Variants in RBFOX3 observed in about 807,000 individuals in gnomAD.
RBFOX3 encodes RNA binding fox-1 homolog 3, also known as RNA binding protein fox-1 homolog 3.
RBFOX3 carries 17 observed loss-of-function variants against 48.7 expected under a neutral mutation model. The observed-to-expected ratio is 0.35, with a 90% confidence interval of 0.24 to 0.52. RBFOX3 has a LOEUF of 0.52. RBFOX3 is among the 20% of genes least tolerant of loss of function. RBFOX3 has a pLI of 0.94. For missense variants in RBFOX3, 382 were observed against 497.5 expected (o/e 0.77, Z 2.21); for synonymous variants, 212 against 209.5 (o/e 1.01, Z -0.10).
intron 2 of RBFOX3, among the ~76,000 whole-genome samples, chr17:79,468,357 C>G (rs1691771308): frequency 1.3e-5 from 2 of 152,184 alleles, no homozygotes; most frequent in Non-Finnish European, 1.5e-5. Flanking sequence ...GGCAGGTAGA[C>G]AGGTGACAGA....
At position 79,216,235 on chromosome 17, in the gene RBFOX3, C is replaced by T. The variant is rs565546017; in HGVS notation, c.-34+19531G>A. ...GTTTGCCTCCCAGGCGTAGGTGAGGCGAGCTGAGACGCCATCTGTGAGGAG... is the reference window on the plus strand; with the variant it reads ...GTTTGCCTCCCAGGCGTAGGTGAGGTGAGCTGAGACGCCATCTGTGAGGAG... On this transcript the variant is annotated intron_variant, in intron 4 of 14. Coordinates refer to ENST00000693108, the MANE Select transcript of RBFOX3 (RefSeq NM_001350451.2). 5.9e-5 allele frequency among the ~76,000 whole-genome samples: 9 copies of T among 152,342 alleles called. No homozygotes were observed. The South Asian group carries it at 1.7e-3, about 28-fold the overall frequency.
At chr17:79,337,019 C>T (rs1394629823) in intron 2 of RBFOX3, among the ~76,000 whole-genome samples, 1 of 152,122 alleles carries the variant, frequency 6.6e-6, no homozygotes, top group Non-Finnish European at 1.5e-5. Flanking sequence ...ACTTGGGAAG[C>T]TGAGGCAGAA....
the RBFOX3 span, among the ~76,000 whole-genome samples, chr17:79,633,396 C>T: frequency 4.6e-5 from 7 of 152,358 alleles, no homozygotes; most frequent in African/African-American, 9.6e-5. Context: ...CTCCCCGGGG[C>T]GGCAGCTGCA....
At chr17:79,131,501 T>C (rs2038901736) in intron 4 of RBFOX3, among the ~76,000 whole-genome samples, 1 of 152,212 alleles carries the variant, frequency 6.6e-6, no homozygotes, top group African/African-American at 2.4e-5. Flanking sequence ...GCCTCAGGCC[T>C]TCCTGTTAAG....
rs2076882894 is a variant in RBFOX3, at chr17:79,103,806, G to A, written c.414+267C>T. Among the ~76,000 whole-genome samples the A allele has an allele frequency of 6.6e-6, 1 of 152,046 alleles. No homozygotes were observed. Among genetic ancestry groups the A allele is most frequent in the South Asian group, 2.1e-4 (1 of 4,816 alleles). On this transcript the variant is annotated intron_variant, in intron 7 of 14. Transcript: ENST00000693108. This position sits in a 1 kb window ranked among gnomAD's most constrained non-coding sequence, Gnocchi z 6.1. ...CCTGGGGTAAGTGTTCAGTGGGGGT[G>A]GGGCCCGGACCTGGGGCCCAGGGCT...
chr17:79,357,194 C>T (rs947925067), intron 2 of RBFOX3, among the ~76,000 whole-genome samples: 43 of 152,336 alleles, frequency 2.8e-4, no homozygotes, highest in Middle Eastern at 3.4e-3. Flanking sequence ...GCAGGCTGTA[C>T]GCACATGTAG....
At chr17:79,136,933 G>A (rs2926669) in intron 4 of RBFOX3, among the ~76,000 whole-genome samples, 27,794 of 152,112 alleles carry the variant, frequency 0.18, 2,689 homozygotes, top group Middle Eastern at 0.22. Context: ...CTAAGAAGGA[G>A]GCTCCATCCC....
chr17:79,351,036 G>A (rs1406007803), intron 2 of RBFOX3, among the ~76,000 whole-genome samples: 2 of 152,186 alleles, frequency 1.3e-5, no homozygotes, highest in Non-Finnish European at 2.9e-5. Flanking sequence ...TGTGCATCTG[G>A]CTGTTTCACC....
Position 79,417,666 on chromosome 17 carries a change from C to A in RBFOX3, c.-175+64788G>T, listed in dbSNP as rs74567209. On this transcript the variant is annotated intron_variant, in intron 2 of 14. Transcript: ENST00000693108. ...GCTGCTGCGGAAAAGGAAGGTTTGG[C>A]GGTTCCTTAAACAATCAGATGGAAT... 7.2e-5 allele frequency among the ~76,000 whole-genome samples: 11 copies of A among 152,328 alleles called. No individual in the cohort carries two copies. The East Asian group carries it at 2.1e-3, about 29-fold the overall frequency.
rs1054532916 is a variant in RBFOX3 at position 79,188,454 on chromosome 17, C to T, written c.-34+47312G>A. Among the ~76,000 whole-genome samples, 52 of 152,216 alleles carry T rather than the reference C, an allele frequency of 3.4e-4. 1 individual carries two copies. Among genetic ancestry groups the T allele is most frequent in the Admixed American group, 2.6e-3 (39 of 15,282 alleles). ...TTTGCCAGCCACATTCGGGTCCATC[C>T]GTCTCACTTACAACCATGTCCCAGC... On this transcript the variant is annotated intron_variant, in intron 4 of 14. Transcript: ENST00000693108.
chr17:79,364,552 C>A lies in RBFOX3; in HGVS notation c.-174-56728G>T, dbSNP rs1442104926. On this transcript the variant is annotated intron_variant, in intron 2 of 14. Transcript: ENST00000693108. The surrounding 1 kb of genome is among the most constrained non-coding windows in gnomAD (Gnocchi z 5.1). ...GAGTGTGTTGACTGCACAGACACTG[C>A]GTGCAGCTCTGGGGATGAAAAGATG... is the stretch of plus-strand genomic sequence containing the variant. Among the ~76,000 whole-genome samples the A allele has an allele frequency of 6.6e-6, 1 of 152,306 alleles. No homozygotes were observed. The highest frequency in any genetic ancestry group is 3.4e-3 in the Middle Eastern group (1 of 294).
the RBFOX3 span, among the ~76,000 whole-genome samples, chr17:79,628,374 G>C: frequency 6.6e-6 from 1 of 152,140 alleles, no homozygotes; most frequent in Non-Finnish European, 1.5e-5. Context: ...TGGGACACCA[G>C]TTCTGATCTG....
rs1231245712 is a variant in RBFOX3 at position 79,144,393 on chromosome 17, CATG to C, written c.-33-28648_-33-28646del. 3.9e-5 allele frequency among the ~76,000 whole-genome samples: 6 copies of C among 152,326 alleles called. No individual in the cohort carries two copies. In the East Asian group the frequency reaches 1.2e-3, roughly 29 times the overall value. On this transcript the variant is annotated intron_variant, in intron 4 of 14. Coordinates refer to ENST00000693108, the MANE Select transcript of RBFOX3 (RefSeq NM_001350451.2). ...GGAGACGCCTACCACAGAGGCGTCA[CATG>C]ACCCCCAGCTTCCCAAGGTCCCTCC...
At chr17:79,608,180 G>C (rs1263863862) in intron 1 of RBFOX3, among the ~76,000 whole-genome samples, 1 of 152,226 alleles carries the variant, frequency 6.6e-6, no homozygotes, top group East Asian at 1.9e-4. Flanking sequence ...GAGCCACTCA[G>C]AGGCAGGGGC....
chr17:79,129,041 G>A (rs2038083363), intron 4 of RBFOX3, among the ~76,000 whole-genome samples: 1 of 152,114 alleles, frequency 6.6e-6, no homozygotes, highest in African/African-American at 2.4e-5. Context: ...GAGACCCTGA[G>A]CACAAGTGCT....
chr17:79,295,510 G>T (rs1281166073), intron 3 of RBFOX3, among the ~76,000 whole-genome samples: 1 of 152,234 alleles, frequency 6.6e-6, no homozygotes, highest in Non-Finnish European at 1.5e-5. Context: ...TCAGGGAAGG[G>T]CAGGGGCTTC....
rs570628373 is a variant in RBFOX3, at chr17:79,138,894, A to G, written c.-33-23146T>C. 5.3e-3 allele frequency among the ~76,000 whole-genome samples: 339 copies of G among 64,396 alleles called. 6 individuals are homozygous for G. The highest frequency in any genetic ancestry group is 0.021 in the African/African-American group (315 of 14,758). The allele number at this position is 64,396 out of a possible 152,430, so 42.2% of individuals were successfully genotyped here. On this transcript the variant is annotated intron_variant, in intron 4 of 14. Transcript: ENST00000693108. ...CACCCACACACGCAGGCATACAGCA[A>G]TGCATTCACACCCTCACCCGCACAC... is the stretch of plus-strand genomic sequence containing the variant.
chr17:79,503,663 C>T (rs1457022991), intron 1 of RBFOX3, among the ~76,000 whole-genome samples: 2 of 152,184 alleles, frequency 1.3e-5, no homozygotes, highest in African/African-American at 4.8e-5. Flanking sequence ...GGTGAGGGAT[C>T]CCTCCGTGTC....
intron 3 of RBFOX3, among the ~76,000 whole-genome samples, chr17:79,268,690 T>A (rs976990): frequency 6.6e-6 from 1 of 152,054 alleles, no homozygotes; most frequent in African/African-American, 2.4e-5. Flanking sequence ...TGATGACCCA[T>A]GGCTCTGGCA....
Sources: gnomAD v4.1 joint callset for allele counts (sites outside exome capture counted in the v4.1 genomes callset) on GRCh38, gnomAD v4.1.1 for gene constraint, Gnocchi (gnomAD v3.1) non-coding constraint, MANE v1.5 for transcripts, NCBI Gene and HGNC (gene_info 2026-07-23, HGNC 2026-07-21) for gene names.